FAF1: variants seen among roughly 807,000 people sequenced by gnomAD.
FAF1 encodes FAS-associated factor 1.
Under a neutral mutation model 92.5 loss-of-function variants are expected in FAF1, and 25 were observed. That is an observed-to-expected ratio of 0.27 (90% CI 0.20 to 0.38). The LOEUF (loss-of-function observed/expected upper bound fraction) is 0.38, where lower values mean the gene tolerates loss of function less well. Ranked by LOEUF, FAF1 falls within the 10% of genes least tolerant of loss-of-function variation. The pLI, the probability that FAF1 is intolerant of heterozygous loss-of-function variation, is 1.00. For synonymous variants in FAF1, 234 were observed against 273.2 expected (o/e 0.86, Z 1.42); for missense variants, 636 against 793.3 (o/e 0.80, Z 2.38).
chr1:50,779,719 T>C (rs1279677962), intron 4 of FAF1, among the ~76,000 whole-genome samples: 1 of 151,962 alleles, frequency 6.6e-6, no homozygotes, highest in Admixed American at 6.6e-5. Context: ...AGTTAGATTG[T>C]TACCAGCTTA....
chr1:50,524,074 T>C (rs1647657111), intron 15 of FAF1, among the ~76,000 whole-genome samples: 3 of 152,214 alleles, frequency 2.0e-5, no homozygotes, highest in African/African-American at 7.2e-5. Flanking sequence ...TTTGACTTTT[T>C]AATAATAGCC....
intron 4 of FAF1, among the ~76,000 whole-genome samples, chr1:50,784,154 T>C (rs1043055302): frequency 6.6e-6 from 1 of 152,188 alleles, no homozygotes; most frequent in Non-Finnish European, 1.5e-5. Flanking sequence ...TCACCACTTC[T>C]ATTCAACGTA....
At chr1:50,566,666 T>C (rs1650186911) in intron 13 of FAF1, among the ~76,000 whole-genome samples, 1 of 152,086 alleles carries the variant, frequency 6.6e-6, no homozygotes, top group African/African-American at 2.4e-5. Context: ...CCAACTCCAC[T>C]GGACTTGTGC....
At chr1:50,527,074 CTCAAACTCCCAG>C (rs1647850172) in intron 15 of FAF1, among the ~76,000 whole-genome samples, 1 of 152,046 alleles carries the variant, frequency 6.6e-6, no homozygotes, top group Non-Finnish European at 1.5e-5. Context: ...CCAAGCTGGT[CTCAAACTCCCAG>C]CCTCAAGTAT....
chr1:50,729,058 A>ATATATATATATATAT (rs1375923156), intron 6 of FAF1, among the ~76,000 whole-genome samples: 1 of 70,132 alleles, frequency 1.4e-5, no homozygotes, highest in African/African-American at 5.9e-5. Context: ...ATATATATAT[A>ATATATATATATATAT]TTTTTTTTTT....
At chr1:50,586,879 A>G (rs1047180815) in intron 9 of FAF1, among the ~76,000 whole-genome samples, 1 of 152,216 alleles carries the variant, frequency 6.6e-6, no homozygotes, top group African/African-American at 2.4e-5. Context: ...AAGGCTCAAG[A>G]TTTACAAGAT....
rs917346917 is a variant in FAF1, at chr1:50,739,079, T to C, written c.460-125A>G. The stretch of plus-strand genomic sequence containing the variant: ...TTTTATCTTTTGATAATTTCCTAAA[T>C]AGGGTAATGCAAAAGAACTACTGAA... On this transcript the variant is annotated intron_variant, in intron 5 of 18. Coordinates refer to ENST00000396153, the MANE Select transcript of FAF1 (RefSeq NM_007051.3). 2.3e-5 allele frequency: 14 copies of C among 614,716 alleles called. No homozygotes were observed. The Admixed American group carries it at 4.2e-4, about 18-fold the overall frequency. 38.1% of individuals were successfully genotyped at this position (614,716 alleles called of 1,614,324 possible).
intron 1 of FAF1, among the ~76,000 whole-genome samples, chr1:50,888,186 T>C (rs1644686249): frequency 6.6e-6 from 1 of 152,208 alleles, no homozygotes; most frequent in Non-Finnish European, 1.5e-5. Context: ...TTGTCTGTTA[T>C]TGGTGTATAT....
At chr1:50,922,070 G>T (rs1488951279) in intron 1 of FAF1, among the ~76,000 whole-genome samples, 1 of 151,984 alleles carries the variant, frequency 6.6e-6, no homozygotes, top group Admixed American at 6.6e-5. Flanking sequence ...GAAGGTTGAG[G>T]CAGGAGAATT....
At chr1:50,624,812 TA>T (rs1653415658) in intron 8 of FAF1, among the ~76,000 whole-genome samples, 1 of 151,352 alleles carries the variant, frequency 6.6e-6, no homozygotes, top group Admixed American at 6.6e-5. Context: ...AGATGTGCAA[TA>T]AAAACATGTG....
chr1:50,937,626 T>C (rs1201681923), intron 1 of FAF1, among the ~76,000 whole-genome samples: 1 of 152,172 alleles, frequency 6.6e-6, no homozygotes, highest in African/African-American at 2.4e-5. Context: ...GATAGTTGTA[T>C]TTTGCCCTAT....
At chr1:50,613,198 C>T (rs2124144262) in intron 8 of FAF1, among the ~76,000 whole-genome samples, 1 of 152,292 alleles carries the variant, frequency 6.6e-6, no homozygotes, top group East Asian at 1.9e-4. Context: ...GAGATAAACA[C>T]TAAAAACTAT....
Position 50,937,082 on chromosome 1 carries a change from T to C in FAF1, c.45+22685A>G, listed in dbSNP as rs1645090915. Among the ~76,000 whole-genome samples, 5 of 152,026 alleles carry C rather than the reference T, an allele frequency of 3.3e-5. No individual in the cohort carries two copies. In the South Asian group the frequency reaches 1.0e-3, roughly 32 times the overall value. On this transcript the variant is annotated intron_variant, in intron 1 of 18. Transcript: ENST00000396153. ...CTTCATTGAGCTGGAGAAATTCAAATGATTGAATTTAGGATGAGGGAGGTA... is the reference window on the plus strand; with the variant it reads ...CTTCATTGAGCTGGAGAAATTCAAACGATTGAATTTAGGATGAGGGAGGTA...
intron 8 of FAF1, among the ~76,000 whole-genome samples, chr1:50,607,516 CA>C (rs140536720): frequency 0.072 from 10,947 of 152,124 alleles, 429 homozygotes; most frequent in African/African-American, 0.1. Flanking sequence ...CTCAATGATC[CA>C]AAAATGTGCC....
At chr1:50,487,618 T>C (rs1646783033) in intron 17 of FAF1, among the ~76,000 whole-genome samples, 1 of 152,150 alleles carries the variant, frequency 6.6e-6, no homozygotes, top group Non-Finnish European at 1.5e-5. Flanking sequence ...TCAATATACT[T>C]TTCTAGATGT....
intron 1 of FAF1, among the ~76,000 whole-genome samples, chr1:50,874,917 G>A (rs1644558357): frequency 6.6e-6 from 1 of 150,858 alleles, no homozygotes. Context: ...CTACAGCCAT[G>A]GACCACCATG....
At chr1:50,839,861 A>T (rs1385906125) in intron 2 of FAF1, among the ~76,000 whole-genome samples, 1 of 152,086 alleles carries the variant, frequency 6.6e-6, no homozygotes, top group Non-Finnish European at 1.5e-5. Flanking sequence ...AATTTAATCA[A>T]CTTCCAAACA....
chr1:50,650,108 A>AT (rs1319418599), intron 8 of FAF1, among the ~76,000 whole-genome samples: 8 of 149,436 alleles, frequency 5.4e-5, no homozygotes, highest in African/African-American at 2.0e-4. Flanking sequence ...AACATGGAGA[A>AT]ACCCCATGTC....
intron 13 of FAF1, among the ~76,000 whole-genome samples, chr1:50,546,558 G>C (rs1162210715): frequency 6.6e-6 from 1 of 151,934 alleles, no homozygotes; most frequent in East Asian, 1.9e-4. Flanking sequence ...TAGAGATGGG[G>C]TTTCACCATG....
Sources: gnomAD v4.1 joint callset for allele counts (sites outside exome capture counted in the v4.1 genomes callset) on GRCh38, gnomAD v4.1.1 for gene constraint, MANE v1.5 for transcripts, NCBI Gene and HGNC (gene_info 2026-07-23, HGNC 2026-07-21) for gene names.